Variants in ROBO4 observed in about 807,000 individuals in gnomAD.
ROBO4 encodes the protein roundabout guidance receptor 4.
In ROBO4, 80 loss-of-function variants were observed where a neutral mutation model predicts 103.3. The observed-to-expected ratio is 0.77, with a 90% CI of 0.65 to 0.93. The LOEUF (loss-of-function observed/expected upper bound fraction) is 0.93. Ranked by LOEUF, ROBO4 falls within the 40% of genes least tolerant of loss-of-function variation. The pLI, the probability that ROBO4 is intolerant of heterozygous loss-of-function variation, is 0.00. For missense variants in ROBO4, 1,333 were observed against 1,305.3 expected (o/e 1.02, Z -0.33); for synonymous variants, 504 against 529.7 (o/e 0.95, Z 0.67).
chr11:124,896,561 T>C lies in ROBO4; in HGVS notation c.510A>G (p.Ser170=), dbSNP rs1283539349. ...PPWGHPEPTV[S]WWKDGKPLAL... ...CCAGGGGTTTCCCATCTTTCCACCATGAGACTGTGGGCTCTGGGTGGCCCC... is the reference window on the plus strand; with the variant it reads ...CCAGGGGTTTCCCATCTTTCCACCACGAGACTGTGGGCTCTGGGTGGCCCC... The change falls in exon 3 of 18, where the codon TCA becomes TCG. Residue 170 remains serine (S), a synonymous_variant. Coordinates refer to ENST00000306534, the MANE Select transcript of ROBO4 (RefSeq NM_019055.6). 1 of 1,614,104 alleles carries C rather than the reference T, an allele frequency of 6.2e-7. No homozygotes were observed.
Position 124,894,231 on chromosome 11 carries a change from C to T in ROBO4, c.1288G>A (p.Glu430Lys), listed in dbSNP as rs1373878480. ...VAAVTGAGAG[E>K]PSRPVCLLLE... The stretch of plus-strand genomic sequence containing the variant: ...AGGAGGCAGACAGGTCTACTGGGCT[C>T]CCCAGCTCCAGCACCAGTGACTGCA... Residue 430 changes from glutamate to lysine, a missense_variant, in exon 8 of 18, where the codon GAG becomes AAG. Coordinates refer to ENST00000306534, the MANE Select transcript of ROBO4 (RefSeq NM_019055.6). 3 of 1,613,536 alleles carry T rather than the reference C, an allele frequency of 1.9e-6. No individual in the cohort carries two copies. Among genetic ancestry groups the T allele is most frequent in the Middle Eastern group, 1.7e-4 (1 of 5,784 alleles).
chr11:124,896,036 G>A lies in ROBO4; in HGVS notation c.680-124C>T, dbSNP rs559486449. On this transcript the variant is annotated intron_variant, in intron 4 of 17. Coordinates refer to ENST00000306534, the MANE Select transcript of ROBO4 (RefSeq NM_019055.6). ...AACTCCCAGAGTCTCCAGGTCTTGA[G>A]CATTCCGATTTCTACTCTAGCAGGG... 3.3e-6 allele frequency: 5 copies of A among 1,530,594 alleles called. No homozygotes were observed. The African/African-American group carries it at 4.1e-5, about 13-fold the overall frequency. 94.8% of individuals were successfully genotyped at this position (1,530,594 alleles called of 1,614,324 possible). A position where few individuals can be genotyped will look rare whatever the true frequency, so the allele number is the denominator to read the frequency against.
intron 3 of ROBO4, 37 bp downstream of exon 3, chr11:124,896,476 G>A: frequency 1.2e-6 from 2 of 1,608,408 alleles, no homozygotes; most frequent in Non-Finnish European, 1.7e-6. Context: ...GGTCTGCCCA[G>A]GCCAGGATGA....
chr11:124,890,945 C>T (rs1591532727), intron 12 of ROBO4, among the ~76,000 whole-genome samples: 1 of 152,344 alleles, frequency 6.6e-6, no homozygotes, highest in East Asian at 1.9e-4. Context: ...TAGACAGGCC[C>T]TGAGCCCTTA....
chr11:124,897,750 G>A lies in ROBO4; in HGVS notation c.46C>T (p.Pro16Ser). The change falls in exon 1 of 18, where the codon CCT (proline) becomes TCT (serine). Residue 16 changes from proline to serine, a missense_variant. Coordinates refer to ENST00000306534, the MANE Select transcript of ROBO4 (RefSeq NM_019055.6). ...CCCATGATGAGCAGGAGCAGCAGAG[G>A]CAGGGAACCCCTGCCCCCCAGGAGG... is the stretch of plus-strand genomic sequence containing the variant. ...DSLLGGRGSL[P>S]LLLLLIMGGM... The A allele has an allele frequency of 6.2e-7, 1 of 1,613,998 alleles. No homozygotes were observed. The highest frequency in any genetic ancestry group is 8.5e-7 in the Non-Finnish European group (1 of 1,179,926).
In ROBO4 at chr11:124,895,599, T is replaced by C. The variant is rs1357512737; in HGVS notation, c.894A>G (p.Ala298=). Residue 298 remains alanine (A), a synonymous_variant, in exon 6 of 18, where the codon GCA becomes GCG. Transcript: ENST00000306534. ...TCTGCCAGCCGGCCAGCAGCTCCTC[T>C]GCCCACGGAGCTCCCTGGCCTCCCG... ...TAPGGQGAPW[A]EELLAGWQSA... 36 of 1,613,554 alleles carry C rather than the reference T, an allele frequency of 2.2e-5. No homozygotes were observed. The highest frequency in any genetic ancestry group is 2.9e-5 in the Non-Finnish European group (34 of 1,180,018).
At chr11:124,895,748 T>C in intron 5 of ROBO4, 37 bp downstream of exon 5, 2 of 1,613,656 alleles carry the variant, frequency 1.2e-6, no homozygotes, top group Non-Finnish European at 1.7e-6. Context: ...TTTCTTGAGC[T>C]CTGGATCGGC....
chr11:124,894,477 A>T, intron 7 of ROBO4, 108 bp from the exon 8 acceptor site: 2 of 1,154,008 alleles, frequency 1.7e-6, no homozygotes, highest in Non-Finnish European at 2.4e-6. Context: ...CCTGCCATCC[A>T]CTTGGGGAAT....
chr11:124,897,687 G>A (rs1183653439), intron 1 of ROBO4, 39 bp downstream of exon 1: 1 of 1,598,950 alleles, frequency 6.3e-7, no homozygotes, highest in Non-Finnish European at 8.6e-7. Flanking sequence ...GCAGGCCTTG[G>A]ATGGAGGAGC....
In ROBO4 at chr11:124,884,653, G is replaced by A. The variant is rs1448373726; in HGVS notation, c.*238C>T. On this transcript the variant is annotated 3_prime_UTR_variant, in exon 18 of 18. Coordinates refer to ENST00000306534, the MANE Select transcript of ROBO4 (RefSeq NM_019055.6). ...AGTGGATGGCACAGAGGAGAAAGCA[G>A]TGGCTAGGAGTCAGGTGGAGATGAT... The A allele has an allele frequency of 6.7e-6, 4 of 595,618 alleles. No individual in the cohort carries two copies. The African/African-American group carries it at 7.4e-5, about 11-fold the overall frequency. 36.9% of individuals were successfully genotyped at this position (595,618 alleles called of 1,614,324 possible).
chr11:124,896,723 C>T lies in ROBO4; in HGVS notation c.401-53G>A, dbSNP rs1395268660. 2.5e-6 allele frequency: 4 copies of T among 1,583,134 alleles called. No individual in the cohort carries two copies. The African/African-American group carries it at 5.4e-5, about 21-fold the overall frequency. ...AGCAGGGCCCAGGCCTCTTCTCTCT[C>T]CCTTATCACTCTTGCCCCCTTCTGC... On this transcript the variant is annotated intron_variant, in intron 2 of 17. Coordinates refer to ENST00000306534, the MANE Select transcript of ROBO4 (RefSeq NM_019055.6).
Position 124,884,686 on chromosome 11 carries a change from T to C in ROBO4, c.*205A>G, listed in dbSNP as rs527356877. 2.5e-4 allele frequency: 157 copies of C among 624,146 alleles called. 1 individual carries two copies. Among genetic ancestry groups the C allele is most frequent in the South Asian group, 1.5e-3 (79 of 51,050 alleles). The allele number at this position is 624,146 out of a possible 1,614,324, so 38.7% of individuals were successfully genotyped here. A position where few individuals can be genotyped will look rare whatever the true frequency, so the allele number is the denominator to read the frequency against. ...GAGTCAGGTGGAGATGATGTTTTGC[T>C]CCCTGAGGGCTCCAGGTCAGCTTTG... On this transcript the variant is annotated 3_prime_UTR_variant, in exon 18 of 18. Coordinates refer to ENST00000306534, the MANE Select transcript of ROBO4 (RefSeq NM_019055.6).
intron 15 of ROBO4, 40 bp from the exon 16 acceptor site, chr11:124,886,862 G>A: frequency 1.3e-6 from 2 of 1,528,208 alleles, no homozygotes; most frequent in Non-Finnish European, 1.8e-6. Context: ...TGGTTTGGGT[G>A]GAATGAGGGT....
At chr11:124,889,219 AG>A (rs1303081247) in intron 12 of ROBO4, among the ~76,000 whole-genome samples, 1 of 152,190 alleles carries the variant, frequency 6.6e-6, no homozygotes, top group Non-Finnish European at 1.5e-5. Context: ...CATATGACCC[AG>A]GTAATCTGGG....
chr11:124,887,707 C>T (rs1376740118), intron 13 of ROBO4, 26 bp downstream of exon 13: 4 of 1,606,830 alleles, frequency 2.5e-6, no homozygotes, highest in Non-Finnish European at 3.4e-6. Flanking sequence ...CACCCCTTCA[C>T]TTCCCTTTCA....
Position 124,897,107 on chromosome 11 carries a change from C to A in ROBO4, c.225G>T (p.Val75=). 1 of 1,595,184 alleles carries A rather than the reference C, an allele frequency of 6.3e-7. No homozygotes were observed. ...WLLNGQPLSM[V]PPDPHHLLPD... is the part of the protein sequence containing the mutation. ...GCAGGAGGTGGTGTGGGTCTGGGGGCACCATGCTCAGGGGCTGCCCATTCA... is the reference window on the plus strand; with the variant it reads ...GCAGGAGGTGGTGTGGGTCTGGGGGAACCATGCTCAGGGGCTGCCCATTCA... The change falls in exon 2 of 18, where the codon GTG becomes GTT. Residue 75 remains valine (V), a synonymous_variant. Coordinates refer to ENST00000306534, the MANE Select transcript of ROBO4 (RefSeq NM_019055.6).
Position 124,884,136 on chromosome 11 carries a change from T to A in ROBO4, c.*755A>T. On this transcript the variant is annotated 3_prime_UTR_variant, in exon 18 of 18. Coordinates refer to ENST00000306534, the MANE Select transcript of ROBO4 (RefSeq NM_019055.6). ...TCCCTGAGTGTCAATGAATGCCTGATCCCTGCCTAACTCAGGAAATTCTTG... is the reference window on the plus strand; with the variant it reads ...TCCCTGAGTGTCAATGAATGCCTGAACCCTGCCTAACTCAGGAAATTCTTG... 6.6e-6 allele frequency: 1 copy of A among 152,190 alleles called. No homozygotes were observed. The highest frequency in any genetic ancestry group is 1.9e-4 in the East Asian group (1 of 5,190). 9.4% of individuals were successfully genotyped at this position (152,190 alleles called of 1,614,324 possible).
intron 16 of ROBO4, among the ~76,000 whole-genome samples, chr11:124,885,631 G>A (rs1565320970): frequency 6.6e-6 from 1 of 151,402 alleles, no homozygotes; most frequent in Non-Finnish European, 1.5e-5. Context: ...TAGTAAAATG[G>A]GGATGGGGGA....
Position 124,895,819 on chromosome 11 carries a change from G to C in ROBO4, c.773C>G (p.Pro258Arg). 6.2e-7 allele frequency: 1 copy of C among 1,614,146 alleles called. No individual in the cohort carries two copies. Among genetic ancestry groups the C allele is most frequent in the Non-Finnish European group, 8.5e-7 (1 of 1,180,024 alleles). Reference sequence around the variant, plus strand: ...GAGCCACACCGCCGGTCTAGGCTTGGGGCCCTCTGCAGGATCCGGGTTCAG... The same window carrying C: ...GAGCCACACCGCCGGTCTAGGCTTGCGGCCCTCTGCAGGATCCGGGTTCAG... The part of the protein sequence containing the change: ...TLLNPDPAEG[P>R]KPRPAVWLSW... The change falls in exon 5 of 18, where the codon CCC becomes CGC. Residue 258 changes from proline to arginine, a missense_variant. Coordinates refer to ENST00000306534, the MANE Select transcript of ROBO4 (RefSeq NM_019055.6).
Sources: gnomAD v4.1 joint callset for allele counts (sites outside exome capture counted in the v4.1 genomes callset) on GRCh38, gnomAD v4.1.1 for gene constraint, MANE v1.5 for transcripts, NCBI Gene and HGNC (gene_info 2026-07-23, HGNC 2026-07-21) for gene names.